Variants in ARAP2 observed in about 807,000 individuals in gnomAD.
The protein encoded by ARAP2 is ArfGAP with RhoGAP domain, ankyrin repeat and PH domain 2, also known as arf-GAP with Rho-GAP domain, ANK repeat and PH domain-containing protein 2.
A neutral mutation model predicts 194.5 loss-of-function variants in ARAP2; 148 were observed. The ratio of observed to expected loss-of-function variants is 0.76; its 90% CI spans 0.67 to 0.87. The LOEUF (loss-of-function observed/expected upper bound fraction) is 0.87. ARAP2 is among the 40% of genes least tolerant of loss of function. The pLI, the probability that ARAP2 is intolerant of heterozygous loss-of-function variation, is 0.00. For synonymous variants in ARAP2, 695 were observed against 683.5 expected, an observed-to-expected ratio of 1.02 and a Z score of -0.26; for missense variants, 2,128 against 1,989.7, an observed-to-expected ratio of 1.07 and a Z score of -1.32.
chr4:36,209,077 C>G (rs545045594), intron 6 of ARAP2, among the ~76,000 whole-genome samples: 1 of 152,246 alleles, frequency 6.6e-6, no homozygotes, highest in Admixed American at 6.5e-5. Context: ...AAGATCTCAC[C>G]TGGGACGCAC....
Position 36,091,966 on chromosome 4 carries a change from G to C in ARAP2, c.4340C>G (p.Pro1447Arg). The change falls in exon 28 of 33, where the codon CCA becomes CGA. Residue 1447 changes from proline to arginine, a missense_variant. Physicochemically the swap from Pro to Arg is moderately radical, Grantham distance 103 (BLOSUM62 -2). Coordinates refer to ENST00000303965, the MANE Select transcript of ARAP2 (RefSeq NM_015230.4). ...KEGILKIKEEPSKILSGNKFQ... is the reference protein window; with the variant it reads ...KEGILKIKEERSKILSGNKFQ... Reference sequence around the variant, plus strand: ...CTTATTTCCAGATAGTATTTTGGATGGTTCTTCTTTGATTTTCAAGATTCC... The same window carrying C: ...CTTATTTCCAGATAGTATTTTGGATCGTTCTTCTTTGATTTTCAAGATTCC... The C allele has an allele frequency of 6.2e-7, 1 of 1,606,294 alleles. No homozygotes were observed. The highest frequency in any genetic ancestry group is 8.5e-7 in the Non-Finnish European group (1 of 1,174,356).
At chr4:36,135,144 A>C (rs968485592) in intron 19 of ARAP2, among the ~76,000 whole-genome samples, 1 of 151,716 alleles carries the variant, frequency 6.6e-6, no homozygotes, top group Non-Finnish European at 1.5e-5. Flanking sequence ...ATTTACACCA[A>C]AGTAAAACGA....
At chr4:36,184,911 T>C (rs920867358) in intron 8 of ARAP2, among the ~76,000 whole-genome samples, 9 of 152,222 alleles carry the variant, frequency 5.9e-5, no homozygotes, top group African/African-American at 2.2e-4. Flanking sequence ...AATGGAACTC[T>C]CATATCAAGT....
intron 24 of ARAP2, among the ~76,000 whole-genome samples, chr4:36,117,859 A>G (rs1204556711): frequency 1.3e-5 from 2 of 151,638 alleles, no homozygotes; most frequent in Non-Finnish European, 3.0e-5. Flanking sequence ...ATGATGTCAT[A>G]TCACTATACA....
chr4:36,199,427 G>T (rs947665864), intron 6 of ARAP2, among the ~76,000 whole-genome samples: 8 of 152,144 alleles, frequency 5.3e-5, no homozygotes, highest in African/African-American at 1.9e-4. Context: ...GAGTAGCTGG[G>T]ACTACAGGCA....
chr4:36,148,369 C>A, intron 17 of ARAP2, 36 bp downstream of exon 17: 2 of 1,509,378 alleles, frequency 1.3e-6, no homozygotes, highest in Non-Finnish European at 1.8e-6. Context: ...TCACAATCTT[C>A]TCTGGATTTA....
At chr4:36,218,309 G>A (rs901019126) in intron 2 of ARAP2, among the ~76,000 whole-genome samples, 6 of 152,112 alleles carry the variant, frequency 3.9e-5, no homozygotes, top group Admixed American at 2.0e-4. Context: ...AGACACTGTG[G>A]CCTACTAGAA....
chr4:36,192,938 G>A (rs1328420711), intron 7 of ARAP2, among the ~76,000 whole-genome samples: 1 of 152,320 alleles, frequency 6.6e-6, no homozygotes, highest in South Asian at 2.1e-4. Flanking sequence ...AAAGGCTGCA[G>A]TGAGCCAAGA....
chr4:36,084,608 T>C (rs968140705), intron 28 of ARAP2, among the ~76,000 whole-genome samples: 1 of 152,144 alleles, frequency 6.6e-6, no homozygotes, highest in African/African-American at 2.4e-5. Flanking sequence ...CTAGAGCAAT[T>C]ATATTTTCTT....
At chr4:36,115,260 C>A (rs191245008) in intron 25 of ARAP2, among the ~76,000 whole-genome samples, 1 of 151,904 alleles carries the variant, frequency 6.6e-6, no homozygotes, top group African/African-American at 2.4e-5. Flanking sequence ...ACAATGAAGT[C>A]CACTATTTTC....
At chr4:36,174,155 GATGA>G (rs1177965305) in intron 9 of ARAP2, among the ~76,000 whole-genome samples, 73 of 152,300 alleles carry the variant, frequency 4.8e-4, no homozygotes, top group African/African-American at 1.7e-3. Flanking sequence ...GTGTCATGTG[GATGA>G]ATGAATCCAG....
chr4:36,139,749 T>C (rs945235258), intron 19 of ARAP2, among the ~76,000 whole-genome samples: 1 of 151,686 alleles, frequency 6.6e-6, no homozygotes, highest in African/African-American at 2.4e-5. Flanking sequence ...TGTATTATCA[T>C]TGATCAAATA....
intron 19 of ARAP2, among the ~76,000 whole-genome samples, chr4:36,139,692 C>T (rs1429136396): frequency 6.6e-6 from 1 of 151,448 alleles, no homozygotes; most frequent in African/African-American, 2.4e-5. Flanking sequence ...TTTCAACTTC[C>T]TTGTAAATAG....
At chr4:36,044,505 C>T (rs1721481704) in intron 5 of ARAP2, among the ~76,000 whole-genome samples, 1 of 152,126 alleles carries the variant, frequency 6.6e-6, no homozygotes, top group African/African-American at 2.4e-5. Context: ...TGGCTATTCA[C>T]TTGCTGAAAC....
chr4:36,165,025 C>A lies in ARAP2; in HGVS notation c.2062G>T (p.Ala688Ser). ...IAETLSDYEV[A>S]EKIWFNESNR... ...GATTCATTGAACCAAATCTTCTCAG[C>A]TACTTCATAATCAGAGAGAGTTTCT... is the stretch of plus-strand genomic sequence containing the variant. Residue 688 changes from alanine (A) to serine (S), a missense_variant, in exon 11 of 33, where the codon GCT (alanine) becomes TCT (serine). Ala to Ser is a moderately conservative substitution (Grantham distance 99, BLOSUM62 1). Coordinates refer to ENST00000303965, the MANE Select transcript of ARAP2 (RefSeq NM_015230.4). 2 of 1,614,074 alleles carry A rather than the reference C, an allele frequency of 1.2e-6. No individual in the cohort carries two copies. Among genetic ancestry groups the A allele is most frequent in the Non-Finnish European group, 1.7e-6 (2 of 1,179,940 alleles).
intron 29 of ARAP2, among the ~76,000 whole-genome samples, chr4:36,082,593 A>G (rs1729829373): frequency 6.6e-6 from 1 of 152,168 alleles, no homozygotes; most frequent in Admixed American, 6.6e-5. Flanking sequence ...GATAATATAG[A>G]GAGATGTACG....
chr4:36,215,233 G>A (rs1363231382), intron 2 of ARAP2, among the ~76,000 whole-genome samples: 3 of 152,140 alleles, frequency 2.0e-5, no homozygotes, highest in Non-Finnish European at 4.4e-5. Context: ...ATTGCTGAAA[G>A]TATAGACATA....
intron 10 of ARAP2, among the ~76,000 whole-genome samples, chr4:36,165,938 A>G (rs1735189224): frequency 6.6e-6 from 1 of 152,186 alleles, no homozygotes; most frequent in Admixed American, 6.5e-5. Context: ...CTTAAAAATA[A>G]ATGGCCTACA....
At chr4:36,080,953 A>T (rs139128759) in intron 30 of ARAP2, among the ~76,000 whole-genome samples, 1 of 152,138 alleles carries the variant, frequency 6.6e-6, no homozygotes, top group Non-Finnish European at 1.5e-5. Flanking sequence ...GGATGAGGAG[A>T]GGGTTGTTCT....
Sources: allele counts gnomAD v4.1 joint callset (sites outside exome capture counted in the v4.1 genomes callset), GRCh38; gene constraint gnomAD v4.1.1; transcripts MANE v1.5; gene names NCBI Gene and HGNC (gene_info 2026-07-23, HGNC 2026-07-21).